The following AEBP2 variants were observed in gnomAD, a reference collection of about 807,000 sequenced individuals.
AEBP2 encodes zinc finger protein AEBP2.
In AEBP2, 10 loss-of-function variants were observed where a neutral mutation model predicts 50.8. The ratio of observed to expected loss-of-function variants is 0.20; its 90% CI spans 0.12 to 0.33. AEBP2 has a LOEUF of 0.33. Ranked by LOEUF, AEBP2 falls within the 10% of genes least tolerant of loss-of-function variation. The pLI, the probability that AEBP2 is intolerant of heterozygous loss-of-function variation, is 1.00. For synonymous variants in AEBP2, 296 were observed against 261.3 expected (o/e 1.13, Z -1.28); for missense variants, 570 against 688.0 (o/e 0.83, Z 1.92).
intron 1 of AEBP2, among the ~76,000 whole-genome samples, chr12:19,408,550 A>G (rs886601199): frequency 6.6e-6 from 1 of 151,990 alleles, no homozygotes; most frequent in Non-Finnish European, 1.5e-5. Flanking sequence ...AAAAAAAAAA[A>G]AAAGAAAGCG....
intron 5 of AEBP2, among the ~76,000 whole-genome samples, chr12:19,510,910 G>T (rs1260578487): frequency 3.3e-5 from 4 of 122,170 alleles, no homozygotes; most frequent in Non-Finnish European, 6.3e-5. Context: ...GCTCAGCCTG[G>T]AGTGCAGTGG....
At chr12:19,452,870 A>C (rs907609275) in intron 1 of AEBP2, among the ~76,000 whole-genome samples, 1 of 152,130 alleles carries the variant, frequency 6.6e-6, no homozygotes, top group East Asian at 1.9e-4. Context: ...TTTACCTGTT[A>C]ATATGATTAG....
chr12:19,442,613 A>G (rs1307275749), intron 1 of AEBP2, among the ~76,000 whole-genome samples: 1 of 152,230 alleles, frequency 6.6e-6, no homozygotes, highest in Non-Finnish European at 1.5e-5. Flanking sequence ...TCACAAATCC[A>G]ACTACAGTTA....
At chr12:19,447,297 T>C (rs1001745260) in intron 1 of AEBP2, among the ~76,000 whole-genome samples, 29 of 152,314 alleles carry the variant, frequency 1.9e-4, no homozygotes, top group South Asian at 4.1e-4. Context: ...AACAGGCTGG[T>C]TCCTTGTTAG....
chr12:19,481,334 C>A (rs1948726985), intron 3 of AEBP2, among the ~76,000 whole-genome samples: 1 of 151,976 alleles, frequency 6.6e-6, no homozygotes, highest in Non-Finnish European at 1.5e-5. Context: ...AACTGCTGAC[C>A]TCAGGTGATC....
chr12:19,468,175 C>T (rs1396083721), intron 2 of AEBP2, among the ~76,000 whole-genome samples: 1 of 73,518 alleles, frequency 1.4e-5, no homozygotes, highest in African/African-American at 3.8e-5. Flanking sequence ...TTTAATGAGA[C>T]AGTCTTACTA....
At chr12:19,449,640 G>C (rs1219925260) in intron 1 of AEBP2, among the ~76,000 whole-genome samples, 1 of 152,132 alleles carries the variant, frequency 6.6e-6, no homozygotes, top group African/African-American at 2.4e-5. Flanking sequence ...TAATTGTGGG[G>C]ATAGAAAGTA....
At position 19,518,972 on chromosome 12, in the gene AEBP2, T is replaced by A; in HGVS notation, c.*855T>A. ...TTTTTTTTCTGAGGAAATCATTTGGTTTTTGAGTTGTTTTTTCTTAATGTA... is the reference window on the plus strand; with the variant it reads ...TTTTTTTTCTGAGGAAATCATTTGGATTTTGAGTTGTTTTTTCTTAATGTA... On this transcript the variant is annotated 3_prime_UTR_variant, in exon 8 of 8. Coordinates refer to ENST00000266508, the MANE Select transcript of AEBP2 (RefSeq NM_153207.5). 1 of 258,564 alleles carries A rather than the reference T, an allele frequency of 3.9e-6. No homozygotes were observed. The highest frequency in any genetic ancestry group is 7.2e-6 in the Non-Finnish European group (1 of 138,306). The allele number at this position is 258,564 out of a possible 1,614,324, so 16.0% of individuals were successfully genotyped here.
At chr12:19,509,229 C>A in intron 5 of AEBP2, 1 of 349,458 alleles carries the variant, frequency 2.9e-6, no homozygotes, top group Non-Finnish European at 5.5e-6. Flanking sequence ...GTGTTGAAGG[C>A]ACAAGCACAG....
At chr12:19,465,366 C>T (rs1258229831) in intron 2 of AEBP2, among the ~76,000 whole-genome samples, 1 of 151,846 alleles carries the variant, frequency 6.6e-6, no homozygotes, top group East Asian at 1.9e-4. Context: ...TGCACTCCAG[C>T]CTGGGTGACA....
intron 2 of AEBP2, among the ~76,000 whole-genome samples, chr12:19,470,974 G>T (rs954373878): frequency 6.6e-6 from 1 of 150,550 alleles, no homozygotes; most frequent in Non-Finnish European, 1.5e-5. Flanking sequence ...AAGTAATTGC[G>T]TTTTTTTTCA....
rs2120662052 is a variant in AEBP2, at chr12:19,520,780, G to A, written c.*2663G>A. On this transcript the variant is annotated 3_prime_UTR_variant, in exon 8 of 8. Coordinates refer to ENST00000266508, the MANE Select transcript of AEBP2 (RefSeq NM_153207.5). ...CTGCAAGCCCCCAATTTTTACTACAGGTTGGCAATCCCTAATCCAAAAATC... is the reference window on the plus strand; with the variant it reads ...CTGCAAGCCCCCAATTTTTACTACAAGTTGGCAATCCCTAATCCAAAAATC... 1 of 152,280 alleles carries A rather than the reference G, an allele frequency of 6.6e-6. No homozygotes were observed. The highest frequency in any genetic ancestry group is 1.9e-4 in the East Asian group (1 of 5,178). 9.4% of individuals were successfully genotyped at this position (152,280 alleles called of 1,614,324 possible).
chr12:19,465,813 A>T lies in AEBP2; in HGVS notation c.879+3096A>T, dbSNP rs541073634. The stretch of plus-strand genomic sequence containing the variant: ...TTTCTTTTTTTTTTTTTTTTTTGAG[A>T]TGGAGTGTTGCTCTGTTTCCCGGGC... On this transcript the variant is annotated intron_variant, in intron 2 of 7. Coordinates refer to ENST00000266508, the MANE Select transcript of AEBP2 (RefSeq NM_153207.5). 9.5e-3 allele frequency among the ~76,000 whole-genome samples: 1,092 copies of T among 114,982 alleles called. 17 individuals are homozygous for T. The highest frequency in any genetic ancestry group is 0.035 in the African/African-American group (1,024 of 29,618). 75.4% of individuals were successfully genotyped at this position (114,982 alleles called of 152,430 possible).
intron 3 of AEBP2, among the ~76,000 whole-genome samples, chr12:19,478,334 C>G (rs944608400): frequency 6.6e-6 from 1 of 152,056 alleles, no homozygotes; most frequent in African/African-American, 2.4e-5. Context: ...CTCACTCTGT[C>G]GCCCAGGCTG....
intron 1 of AEBP2, among the ~76,000 whole-genome samples, chr12:19,444,415 C>G (rs1403019572): frequency 6.6e-6 from 1 of 152,120 alleles, no homozygotes; most frequent in Non-Finnish European, 1.5e-5. Flanking sequence ...CAAATTAGTA[C>G]TAGCTATTGA....
chr12:19,409,303 C>G (rs2095738022), intron 1 of AEBP2, among the ~76,000 whole-genome samples: 1 of 151,378 alleles, frequency 6.6e-6, no homozygotes, highest in Admixed American at 6.6e-5. Flanking sequence ...CCCTTTGGGT[C>G]CTAATTAAAT....
chr12:19,424,645 C>A (rs1234667193), intron 1 of AEBP2, among the ~76,000 whole-genome samples: 7 of 151,914 alleles, frequency 4.6e-5, no homozygotes, highest in Non-Finnish European at 5.9e-5. Context: ...ATCCGCCCGC[C>A]TCAGCCTCCT....
Position 19,473,365 on chromosome 12 carries a change from C to G in AEBP2, c.987+10C>G. 1 of 1,115,260 alleles carries G rather than the reference C, an allele frequency of 9.0e-7. No homozygotes were observed. The allele number at this position is 1,115,260 out of a possible 1,614,324, so 69.1% of individuals were successfully genotyped here. ...AGACAAACCTTTCAAGGTAAGGATGCATGTATATAAAATTTATTTATTTAT... is the reference window on the plus strand; with the variant it reads ...AGACAAACCTTTCAAGGTAAGGATGGATGTATATAAAATTTATTTATTTAT... On this transcript the variant is annotated intron_variant, in intron 3 of 7. Coordinates refer to ENST00000266508, the MANE Select transcript of AEBP2 (RefSeq NM_153207.5).
At chr12:19,498,476 A>G (rs1486314814) in intron 4 of AEBP2, among the ~76,000 whole-genome samples, 2 of 152,178 alleles carry the variant, frequency 1.3e-5, no homozygotes, top group Admixed American at 6.5e-5. Flanking sequence ...CAACTGGTGA[A>G]AATATTCCCC....
Sources: gnomAD v4.1 joint callset for allele counts (sites outside exome capture counted in the v4.1 genomes callset) on GRCh38, gnomAD v4.1.1 for gene constraint, MANE v1.5 for transcripts, NCBI Gene and HGNC (gene_info 2026-07-23, HGNC 2026-07-21) for gene names.